KANSL1: variants seen among roughly 807,000 people sequenced by gnomAD.
The protein encoded by KANSL1 is KAT8 regulatory NSL complex subunit 1.
In KANSL1, 22 loss-of-function variants were observed where a neutral mutation model predicts 103.6. That is an observed-to-expected ratio of 0.21 (90% CI 0.15 to 0.30). The LOEUF (loss-of-function observed/expected upper bound fraction) is 0.30, where lower values mean the gene tolerates loss of function less well. Among genes scored for constraint, KANSL1 ranks in the 10% least tolerant of loss-of-function variants. The probability of loss-of-function intolerance (pLI) is 1.00; values close to 1 mark genes in which losing one functional copy is unlikely to be tolerated. For missense variants in KANSL1, 1,337 were observed against 1,399.8 expected (o/e 0.96, Z 0.72); for synonymous variants, 600 against 527.6 (o/e 1.14, Z -1.88).
At chr17:46,059,447 C>T (rs919185283) in intron 6 of KANSL1, among the ~76,000 whole-genome samples, 1 of 151,592 alleles carries the variant, frequency 6.6e-6, no homozygotes, top group Non-Finnish European at 1.5e-5. Context: ...GGTGAAACCC[C>T]GTCTCTACTA....
At position 46,038,543 on chromosome 17, in the gene KANSL1, T is replaced by C. The variant is rs2077218359; in HGVS notation, c.2536A>G (p.Thr846Ala). The C allele has an allele frequency of 6.2e-7, 1 of 1,613,884 alleles. No individual in the cohort carries two copies. The highest frequency in any genetic ancestry group is 1.1e-5 in the South Asian group (1 of 91,068). The change falls in exon 10 of 15, where the codon ACA (threonine) becomes GCA (alanine). Residue 846 changes from threonine (T) to alanine (A), a missense_variant. By Grantham distance (58) the Thr-to-Ala change is moderately conservative. Transcript: ENST00000432791. ...ASSSSQVTAS[T>A]SQQPVRRRRG... is the part of the protein sequence containing the mutation. ...AACCCCACACAGGTACTTACCGATG[T>C]GCTGGCTGTAACCTGTGAGCTAGAG...
intron 4 of KANSL1, among the ~76,000 whole-genome samples, 169 bp from the exon 5 acceptor site, chr17:46,067,836 A>T (rs1340697348): frequency 6.6e-6 from 1 of 152,210 alleles, no homozygotes; most frequent in Admixed American, 6.5e-5. Context: ...GTGGTCAGGT[A>T]TGATGGCTCG....
At chr17:46,175,447 T>C (rs2046477568) in intron 1 of KANSL1, among the ~76,000 whole-genome samples, 2 of 151,772 alleles carry the variant, frequency 1.3e-5, no homozygotes, top group Admixed American at 1.3e-4. Context: ...CCTCCTGTGT[T>C]GGAGTGATTC....
chr17:46,082,845 C>A (rs997071955), intron 3 of KANSL1, among the ~76,000 whole-genome samples: 7 of 151,984 alleles, frequency 4.6e-5, no homozygotes, highest in African/African-American at 1.7e-4. Context: ...GCATTTATAC[C>A]ATATTACTAG....
At chr17:46,215,968 A>T (rs1458969212) in intron 1 of KANSL1, among the ~76,000 whole-genome samples, 1 of 152,192 alleles carries the variant, frequency 6.6e-6, no homozygotes, top group Non-Finnish European at 1.5e-5. Context: ...GGAACCTGGG[A>T]GGCAGAGGCT....
intron 2 of KANSL1, among the ~76,000 whole-genome samples, chr17:46,128,749 A>G (rs2043699623): frequency 6.6e-6 from 1 of 152,258 alleles, no homozygotes; most frequent in South Asian, 2.1e-4. Flanking sequence ...GAGAGGTGAT[A>G]AAGACAACAC....
At chr17:46,120,827 G>A (rs367608606) in intron 2 of KANSL1, among the ~76,000 whole-genome samples, 5 of 152,208 alleles carry the variant, frequency 3.3e-5, no homozygotes, top group South Asian at 2.1e-4. Context: ...TACTTACCAC[G>A]AAATTTTACA....
intron 8 of KANSL1, chr17:46,039,463 T>C (rs2077249244): frequency 1.6e-6 from 1 of 606,602 alleles, no homozygotes; most frequent in Non-Finnish European, 2.8e-6. Flanking sequence ...TGCCATGCCA[T>C]TGCTGGCTGT....
intron 2 of KANSL1, among the ~76,000 whole-genome samples, chr17:46,096,748 A>C (rs1047147023): frequency 6.6e-6 from 1 of 152,008 alleles, no homozygotes; most frequent in African/African-American, 2.4e-5. Flanking sequence ...CCTCCGGAGT[A>C]ACTGGGACTA....
chr17:46,059,639 A>G (rs1206383997), intron 6 of KANSL1, among the ~76,000 whole-genome samples: 1 of 35,418 alleles, frequency 2.8e-5, no homozygotes, highest in Non-Finnish European at 7.1e-5. Context: ...AAAAAAAAAA[A>G]AAAAAAAAAG....
chr17:46,144,059 T>C (rs2044568405), intron 2 of KANSL1, among the ~76,000 whole-genome samples: 1 of 152,228 alleles, frequency 6.6e-6, no homozygotes, highest in Admixed American at 6.5e-5. Context: ...TGTGGCTCTT[T>C]GTTTTTTACA....
intron 1 of KANSL1, among the ~76,000 whole-genome samples, chr17:46,179,593 G>A (rs2046685625): frequency 6.6e-6 from 1 of 152,350 alleles, no homozygotes; most frequent in Non-Finnish European, 1.5e-5. Context: ...CAGCAGGAAG[G>A]ATGATTAGGG....
At chr17:46,200,067 C>CA (rs571952343) in intron 1 of KANSL1, among the ~76,000 whole-genome samples, 4,059 of 118,152 alleles carry the variant, frequency 0.034, 191 homozygotes, top group African/African-American at 0.11. Context: ...ACACACACAC[C>CA]CTGATTATTT....
intron 4 of KANSL1, among the ~76,000 whole-genome samples, chr17:46,078,047 TTTAG>T (rs1246724221): frequency 2.0e-5 from 3 of 152,228 alleles, no homozygotes; most frequent in Non-Finnish European, 4.4e-5. Flanking sequence ...AGACTCTGAA[TTTAG>T]TTAGCTTTTC....
At chr17:46,217,014 G>A (rs1383138682) in intron 1 of KANSL1, among the ~76,000 whole-genome samples, 2 of 151,956 alleles carry the variant, frequency 1.3e-5, no homozygotes, top group Non-Finnish European at 2.9e-5. Context: ...AGCTGAGGTG[G>A]GAGGATTACT....
At chr17:46,188,700 A>C (rs1597922064) in intron 1 of KANSL1, among the ~76,000 whole-genome samples, 1 of 152,316 alleles carries the variant, frequency 6.6e-6, no homozygotes, top group East Asian at 1.9e-4. Context: ...TAAAATGAAG[A>C]AAGAGTACAA....
In KANSL1 at chr17:46,038,648, A is replaced by G. The variant is rs2077222683; in HGVS notation, c.2431T>C (p.Leu811=). Residue 811 remains leucine, a synonymous_variant, in exon 10 of 15, where the codon TTG becomes CTG. Transcript: ENST00000432791. The part of the protein sequence containing the change: ...HHTDMSSSSY[L]AATHHPPHSP... ...TGTGGAGGATGGTGGGTGGCTGCCAAGTAGCTCGAACTGCTCATGTCTGTG... is the reference window on the plus strand; with the variant it reads ...TGTGGAGGATGGTGGGTGGCTGCCAGGTAGCTCGAACTGCTCATGTCTGTG... 1.2e-6 allele frequency: 2 copies of G among 1,614,074 alleles called. No homozygotes were observed. The highest frequency in any genetic ancestry group is 1.7e-6 in the Non-Finnish European group (2 of 1,180,042).
rs558136882 is a variant in KANSL1 at position 46,163,982 on chromosome 17, C to T, written c.1289+6873G>A. Among the ~76,000 whole-genome samples, 9 of 152,350 alleles carry T rather than the reference C, an allele frequency of 5.9e-5. No individual in the cohort carries two copies. The East Asian group carries it at 1.5e-3, about 26-fold the overall frequency. On this transcript the variant is annotated intron_variant, in intron 2 of 14. Transcript: ENST00000432791. ...GAAAACTGTCTATCAAAATCTTTGCCAACCTTCAAGGTTCATTTCTAACAT... is the reference window on the plus strand; with the variant it reads ...GAAAACTGTCTATCAAAATCTTTGCTAACCTTCAAGGTTCATTTCTAACAT...
At chr17:46,118,459 T>C in intron 2 of KANSL1, among the ~76,000 whole-genome samples, 1 of 152,330 alleles carries the variant, frequency 6.6e-6, no homozygotes, top group South Asian at 2.1e-4. Context: ...TTATCTCAGT[T>C]GGAAGCCCTA....
Sources: gnomAD v4.1 joint callset for allele counts (sites outside exome capture counted in the v4.1 genomes callset) on GRCh38, gnomAD v4.1.1 for gene constraint, MANE v1.5 for transcripts, NCBI Gene and HGNC (gene_info 2026-07-23, HGNC 2026-07-21) for gene names.